The following RBM5 variants were observed in gnomAD, a reference collection of about 807,000 sequenced individuals.
The protein encoded by RBM5 is RNA-binding protein 5.
RBM5 carries 15 observed loss-of-function variants against 124.6 expected under a neutral mutation model. That is an observed-to-expected ratio of 0.12 (90% CI 0.08 to 0.19). The LOEUF is 0.19. RBM5 is among the 10% of genes least tolerant of loss of function. The pLI, the probability that RBM5 is intolerant of heterozygous loss-of-function variation, is 1.00. For missense variants in RBM5, 580 were observed against 1,026.5 expected (o/e 0.57, Z 5.94); for synonymous variants, 337 against 361.2 (o/e 0.93, Z 0.76).
At chr3:50,116,956 TA>T in intron 22 of RBM5, 117 bp from the exon 23 acceptor site, 14 of 914,940 alleles carry the variant, frequency 1.5e-5, no homozygotes, top group Non-Finnish European at 2.2e-5. Flanking sequence ...CAGAGCAGTC[TA>T]AAAAAAGCAT....
intron 12 of RBM5, 98 bp downstream of exon 12, chr3:50,107,667 C>CTTTTT: frequency 2.2e-5 from 3 of 135,136 alleles, no homozygotes; most frequent in South Asian, 1.4e-4. Context: ...GAGCTCTTTT[C>CTTTTT]TTTTCTTTTT....
Position 50,109,627 on chromosome 3 carries a change from C to G in RBM5, c.1217C>G (p.Ala406Gly). The G allele has an allele frequency of 6.2e-7, 1 of 1,614,064 alleles. No individual in the cohort carries two copies. Among genetic ancestry groups the G allele is most frequent in the South Asian group, 1.1e-5 (1 of 91,076 alleles). The change falls in exon 15 of 25, where the codon GCG becomes GGG. Residue 406 changes from alanine (A) to glycine (G), a missense_variant. Around this residue, in one of 6 missense-constraint regions of RBM5, gnomAD observed 104 missense variants for 128.7 expected, o/e 0.81. Coordinates refer to ENST00000347869, the MANE Select transcript of RBM5 (RefSeq NM_005778.4). ...ASGTAVTTTS[A>G]AVVSQSPQLY... ...GGCACAGCAGTGACCACCACCTCAGCGGCTGTAGTGTCCCAGAGTCCTCAG... is the reference window on the plus strand; with the variant it reads ...GGCACAGCAGTGACCACCACCTCAGGGGCTGTAGTGTCCCAGAGTCCTCAG...
At chr3:50,099,198 G>C (rs2090888180) in intron 4 of RBM5, among the ~76,000 whole-genome samples, 1 of 151,846 alleles carries the variant, frequency 6.6e-6, no homozygotes, top group Non-Finnish European at 1.5e-5. Context: ...AGAGGTTGCA[G>C]TGAGCTGAGA....
At chr3:50,089,068 G>A (rs988190742) in intron 1 of RBM5, 39 bp downstream of exon 1, 1 of 152,412 alleles carries the variant, frequency 6.6e-6, no homozygotes, top group Non-Finnish European at 1.5e-5. Context: ...GTAGGTTCTT[G>A]CCATTTGGGC....
In RBM5 at chr3:50,117,451, C is replaced by CA; in HGVS notation, c.2322+73dup. On this transcript the variant is annotated intron_variant, in intron 24 of 24. Transcript: ENST00000347869. The surrounding 1 kb of genome is among the most constrained non-coding windows in gnomAD (Gnocchi z 4.2). The stretch of plus-strand genomic sequence containing the variant: ...GTTCCAGAGATGAGATCAGAGCACT[C>CA]ATAGAGCCTGGGAGCCAGGAGCAGC... The CA allele has an allele frequency of 6.3e-7, 1 of 1,585,778 alleles. No individual in the cohort carries two copies. Among genetic ancestry groups the CA allele is most frequent in the African/African-American group, 1.3e-5 (1 of 74,240 alleles).
At chr3:50,102,660 T>G (rs907850641) in intron 6 of RBM5, 1 of 173,354 alleles carries the variant, frequency 5.8e-6, no homozygotes, top group African/African-American at 2.4e-5. Context: ...GATGGGGGAC[T>G]GGGGAAAAAG....
intron 12 of RBM5, 67 bp from the exon 13 acceptor site, chr3:50,108,003 G>A: frequency 7.3e-7 from 1 of 1,361,368 alleles, no homozygotes; most frequent in South Asian, 1.2e-5. Flanking sequence ...CTCATTTTTA[G>A]GGACTTCTGA....
intron 14 of RBM5, among the ~76,000 whole-genome samples, chr3:50,108,924 A>G (rs2091090669): frequency 6.6e-6 from 1 of 152,146 alleles, no homozygotes; most frequent in African/African-American, 2.4e-5. Flanking sequence ...AGCAGAGAGG[A>G]TGTGGCCCTG....
At chr3:50,093,671 C>T in intron 3 of RBM5, 49 bp from the exon 4 acceptor site, 1 of 1,564,486 alleles carries the variant, frequency 6.4e-7, no homozygotes, top group Non-Finnish European at 8.8e-7. Context: ...GGGTCTGTTT[C>T]AAAGAGTACA....
intron 11 of RBM5, chr3:50,107,150 C>T: frequency 3.0e-6 from 2 of 660,320 alleles, no homozygotes; most frequent in Non-Finnish European, 2.8e-6. Flanking sequence ...AGTGCTAACC[C>T]ATCCAGAAAT....
chr3:50,089,728 T>C (rs1244845533), intron 1 of RBM5, among the ~76,000 whole-genome samples: 1 of 151,186 alleles, frequency 6.6e-6, no homozygotes, highest in Non-Finnish European at 1.5e-5. Flanking sequence ...TCGAACGCGG[T>C]CCAGCAGTGT....
intron 14 of RBM5, among the ~76,000 whole-genome samples, chr3:50,108,635 C>T (rs867132105): frequency 9.9e-5 from 15 of 151,794 alleles, no homozygotes; most frequent in African/African-American, 2.4e-4. Flanking sequence ...TGAACCCGAG[C>T]GGCAGAGATT....
At position 50,117,451 on chromosome 3, in the gene RBM5, C is replaced by G; in HGVS notation, c.2322+72C>G. ...GTTCCAGAGATGAGATCAGAGCACT[C>G]ATAGAGCCTGGGAGCCAGGAGCAGC... On this transcript the variant is annotated intron_variant, in intron 24 of 24. Coordinates refer to ENST00000347869, the MANE Select transcript of RBM5 (RefSeq NM_005778.4). This position sits in a 1 kb window ranked among gnomAD's most constrained non-coding sequence, Gnocchi z 4.2. 1.3e-6 allele frequency: 2 copies of G among 1,585,778 alleles called. No homozygotes were observed. The highest frequency in any genetic ancestry group is 1.1e-5 in the South Asian group (1 of 88,244).
At chr3:50,093,017 C>A (rs1243556321) in intron 3 of RBM5, 1 of 232,528 alleles carries the variant, frequency 4.3e-6, no homozygotes, top group Non-Finnish European at 8.1e-6. Flanking sequence ...TGCAGTGGTG[C>A]GACCTCAGCT....
At chr3:50,103,053 G>A (rs1426456652) in intron 6 of RBM5, 30 bp from the exon 7 acceptor site, 3 of 1,509,194 alleles carry the variant, frequency 2.0e-6, no homozygotes, top group East Asian at 4.5e-5. Context: ...TCCTCACAAT[G>A]GGAATAACTA....
intron 6 of RBM5, 111 bp from the exon 7 acceptor site, chr3:50,102,972 A>G: frequency 1.2e-6 from 1 of 841,212 alleles, no homozygotes; most frequent in Non-Finnish European, 2.0e-6. Context: ...TCCTCCCCGT[A>G]TGTTGTCCAT....
chr3:50,094,796 G>A (rs2090777294), intron 4 of RBM5, among the ~76,000 whole-genome samples: 1 of 152,106 alleles, frequency 6.6e-6, no homozygotes. Context: ...TCAGATTTTG[G>A]AGCATTTCAA....
At chr3:50,090,601 T>A (rs1177739809) in intron 2 of RBM5, 150 bp downstream of exon 2, 2 of 878,474 alleles carry the variant, frequency 2.3e-6, no homozygotes, top group African/African-American at 1.7e-5. Context: ...CAAACTACAG[T>A]CTAGTGAGAG....
chr3:50,110,397 A>G lies in RBM5; in HGVS notation c.1297A>G (p.Ser433Gly). ...PGSPTEEAQP[S>G]TSTSTQAPAA... ...TTTCCAGACTGAGGAAGCACAGCCTAGCACTAGCACAAGTACACAGGCCCC... is the reference window on the plus strand; with the variant it reads ...TTTCCAGACTGAGGAAGCACAGCCTGGCACTAGCACAAGTACACAGGCCCC... The change falls in exon 16 of 25, where the codon AGC (serine) becomes GGC (glycine). Residue 433 changes from serine to glycine, a missense_variant. Ser to Gly is a moderately conservative substitution (Grantham distance 56). Transcript: ENST00000347869. 6.2e-7 allele frequency: 1 copy of G among 1,614,196 alleles called. No homozygotes were observed. The highest frequency in any genetic ancestry group is 8.5e-7 in the Non-Finnish European group (1 of 1,180,016).
Sources: gnomAD v4.1 joint callset for allele counts (sites outside exome capture counted in the v4.1 genomes callset) on GRCh38, gnomAD v4.1.1 for gene constraint, gnomAD v4.1.1 regional missense constraint, Gnocchi (gnomAD v3.1) non-coding constraint, MANE v1.5 for transcripts, NCBI Gene and HGNC (gene_info 2026-07-23, HGNC 2026-07-21) for gene names.